The following PDE1C variants were observed in gnomAD, a reference collection of about 807,000 sequenced individuals.
PDE1C encodes phosphodiesterase 1C, also known as dual specificity calcium/calmodulin-dependent 3',5'-cyclic nucleotide phosphodiesterase 1C.
PDE1C carries 62 observed loss-of-function variants against 93.1 expected under a neutral mutation model. The ratio of observed to expected loss-of-function variants is 0.67; its 90% confidence interval spans 0.54 to 0.82. The LOEUF (loss-of-function observed/expected upper bound fraction) is 0.82, where lower values mean the gene tolerates loss of function less well. Among genes scored for constraint, PDE1C ranks in the 40% least tolerant of loss-of-function variants. The pLI is 0.00. For synonymous variants in PDE1C, 325 were observed against 310.1 expected (o/e 1.05, Z -0.50); for missense variants, 742 against 884.6 (o/e 0.84, Z 2.04).
At chr7:31,878,341 A>G (rs768954704) in intron 4 of PDE1C, among the ~76,000 whole-genome samples, 7 of 152,204 alleles carry the variant, frequency 4.6e-5, no homozygotes, top group Non-Finnish European at 7.3e-5. Context: ...ATAGTACAGA[A>G]TAGACAGTAA....
chr7:32,010,234 T>C (rs192854988), intron 2 of PDE1C, among the ~76,000 whole-genome samples: 2 of 152,280 alleles, frequency 1.3e-5, no homozygotes, highest in Admixed American at 1.3e-4. Flanking sequence ...AACAATCTGA[T>C]ATGAAGTCTT....
intron 1 of PDE1C, among the ~76,000 whole-genome samples, chr7:32,214,525 CA>C (rs1488059314): frequency 6.6e-6 from 1 of 152,178 alleles, no homozygotes; most frequent in Non-Finnish European, 1.5e-5. Context: ...TCCCAGTGAG[CA>C]GCCGAAGTTG....
intron 3 of PDE1C, among the ~76,000 whole-genome samples, chr7:32,108,921 A>C (rs1254342030): frequency 6.6e-6 from 1 of 152,212 alleles, no homozygotes; most frequent in Non-Finnish European, 1.5e-5. Flanking sequence ...CCTTCTTGTC[A>C]GTTCAGCCTT....
At position 31,988,995 on chromosome 7, in the gene PDE1C, C is replaced by CAAAA. The variant is rs36081234; in HGVS notation, c.128+62555_128+62558dup. ...GGGCAACAAGAGTGAAACTTCTTCT[C>CAAAA]AAAAAAAAAAAAAAAAAAAAAAAGA... On this transcript the variant is annotated intron_variant, in intron 2 of 17. Coordinates refer to ENST00000396191, the MANE Select transcript of PDE1C (RefSeq NM_001191057.4). 9.1e-4 allele frequency among the ~76,000 whole-genome samples: 31 copies of CAAAA among 34,058 alleles called. 1 individual carries two copies. Among genetic ancestry groups the CAAAA allele is most frequent in the East Asian group, 3.0e-3 (3 of 1,006 alleles). 22.3% of individuals were successfully genotyped at this position (34,058 alleles called of 152,430 possible).
the PDE1C span, among the ~76,000 whole-genome samples, chr7:31,704,843 C>T: frequency 8.5e-5 from 13 of 152,140 alleles, no homozygotes; most frequent in African/African-American, 3.1e-4. Context: ...TGCACCTCTG[C>T]TTCCCCTGAA....
chr7:32,279,874 G>GTAAA (rs1463715883), intron 1 of PDE1C, among the ~76,000 whole-genome samples: 1 of 152,126 alleles, frequency 6.6e-6, no homozygotes, highest in African/African-American at 2.4e-5. Context: ...GATGAAAAGT[G>GTAAA]TAAACATTTT....
intron 3 of PDE1C, among the ~76,000 whole-genome samples, chr7:32,107,823 T>C (rs1225651633): frequency 6.6e-6 from 1 of 152,106 alleles, no homozygotes; most frequent in Non-Finnish European, 1.5e-5. Context: ...TTAAGGATCA[T>C]AGCTTATGAA....
At chr7:32,172,942 G>A (rs537092345) in intron 2 of PDE1C, among the ~76,000 whole-genome samples, 14 of 151,452 alleles carry the variant, frequency 9.2e-5, no homozygotes, top group Non-Finnish European at 1.8e-4. Context: ...TGTGGAAGAC[G>A]ATGTGGCGAT....
intron 3 of PDE1C, among the ~76,000 whole-genome samples, chr7:32,154,949 G>C (rs944156751): frequency 3.3e-5 from 5 of 152,240 alleles, no homozygotes; most frequent in Non-Finnish European, 7.3e-5. Flanking sequence ...TATGGCAGGA[G>C]GCCCAGGCAG....
At chr7:32,137,288 CT>C (rs1800267902) in intron 3 of PDE1C, among the ~76,000 whole-genome samples, 1 of 152,230 alleles carries the variant, frequency 6.6e-6, no homozygotes. Flanking sequence ...AGCCCCAGCA[CT>C]TCCATTCTTC....
intron 1 of PDE1C, among the ~76,000 whole-genome samples, chr7:32,067,746 A>G (rs150191038): frequency 6.6e-6 from 1 of 152,278 alleles, no homozygotes; most frequent in African/African-American, 2.4e-5. Flanking sequence ...CATCCTAGCT[A>G]GCTCATGGCT....
chr7:31,912,301 C>T (rs541600874), intron 2 of PDE1C, among the ~76,000 whole-genome samples: 13 of 152,226 alleles, frequency 8.5e-5, no homozygotes, highest in Middle Eastern at 3.4e-3. Flanking sequence ...ACTTAACATA[C>T]AGATGTCTTT....
intron 16 of PDE1C, chr7:31,783,406 T>C (rs566089578): frequency 6.6e-6 from 1 of 151,262 alleles, no homozygotes; most frequent in South Asian, 2.1e-4. Context: ...TTTAAGGGAA[T>C]ACAAAAGAGA....
chr7:32,056,694 C>G (rs1247239301), intron 1 of PDE1C, among the ~76,000 whole-genome samples: 1 of 152,052 alleles, frequency 6.6e-6, no homozygotes, highest in Non-Finnish European at 1.5e-5. Flanking sequence ...AGCTACTGTA[C>G]TAAAAACAGT....
downstream of PDE1C, among the ~76,000 whole-genome samples, chr7:31,748,969 C>G (rs1424145182): frequency 1.3e-5 from 2 of 152,184 alleles, no homozygotes; most frequent in Non-Finnish European, 2.9e-5. Flanking sequence ...GTACAAGTGG[C>G]CTTTCATCTA....
chr7:32,314,918 G>A (rs1361013333), intron 1 of PDE1C, among the ~76,000 whole-genome samples: 6 of 150,990 alleles, frequency 4.0e-5, no homozygotes, highest in Admixed American at 1.3e-4. Context: ...CCTCAAATTG[G>A]ACAATAAATA....
Position 31,843,150 on chromosome 7 carries a change from T to C in PDE1C, c.980+4818A>G, listed in dbSNP as rs1792127698. 1.3e-5 allele frequency among the ~76,000 whole-genome samples: 2 copies of C among 152,104 alleles called. 1 individual carries two copies. Among genetic ancestry groups the C allele is most frequent in the Middle Eastern group, 6.8e-3 (2 of 294 alleles). ...ACTTATTTTAAAATGTCTCAGCATG[T>C]GTACTTGAAAAGAATATGTATATTG... On this transcript the variant is annotated intron_variant, in intron 9 of 17. Coordinates refer to ENST00000396191, the MANE Select transcript of PDE1C (RefSeq NM_001191057.4).
At chr7:31,784,370 G>C (rs1783698339) in intron 16 of PDE1C, 1 of 152,086 alleles carries the variant, frequency 6.6e-6, no homozygotes, top group Admixed American at 6.6e-5. Flanking sequence ...ACCTTGCTTT[G>C]GGTAATTGAT....
chr7:32,407,260 G>A (rs1326090911), intron 1 of PDE1C, among the ~76,000 whole-genome samples: 2 of 152,110 alleles, frequency 1.3e-5, no homozygotes, highest in Non-Finnish European at 2.9e-5. Flanking sequence ...GGGTGACAGA[G>A]CAAGACTCAG....
Sources: allele counts gnomAD v4.1 joint callset (sites outside exome capture counted in the v4.1 genomes callset), GRCh38; gene constraint gnomAD v4.1.1; transcripts MANE v1.5; gene names NCBI Gene and HGNC (gene_info 2026-07-23, HGNC 2026-07-21).